Variants in VILL observed in about 807,000 individuals in gnomAD.
VILL encodes villin-like protein.
VILL carries 102 observed loss-of-function variants against 106.3 expected under a neutral mutation model. That is an observed-to-expected ratio of 0.96 (90% CI 0.82 to 1.13). The LOEUF (loss-of-function observed/expected upper bound fraction) is 1.13, where lower values mean the gene tolerates loss of function less well. Ranked by LOEUF, VILL falls within the 50% of genes most tolerant of loss-of-function variation. The pLI is 0.00. For missense variants in VILL, 1,076 were observed against 1,116.6 expected (o/e 0.96, Z 0.52); for synonymous variants, 431 against 440.3 (o/e 0.98, Z 0.27).
intron 1 of VILL, 124 bp from the exon 2 acceptor site, chr3:37,993,463 T>C: frequency 1.7e-6 from 1 of 581,374 alleles, no homozygotes; most frequent in Non-Finnish European, 3.0e-6. Flanking sequence ...ATGCCTAATC[T>C]GCCCAACCCA....
chr3:38,006,628 C>A lies in VILL; in HGVS notation c.2385C>A (p.Gly795=). The A allele has an allele frequency of 6.2e-7, 1 of 1,613,914 alleles. No homozygotes were observed. ...GCACCAGCGCCACGATCAACGGGGG[C>A]CTGCGCCGGGAACAACTGATGCACC... ...VSSTSATING[G]LRREQLMHQA... is the part of the protein sequence containing the mutation. Residue 795 remains glycine (G), a synonymous_variant, in exon 19 of 20, where the codon GGC becomes GGA. Transcript: ENST00000383759.
Position 37,998,425 on chromosome 3 carries a change from G to C in VILL, c.942+61G>C. On this transcript the variant is annotated intron_variant, in intron 9 of 19. Coordinates refer to ENST00000383759, the MANE Select transcript of VILL (RefSeq NM_015873.4). This position sits in a 1 kb window ranked among gnomAD's most constrained non-coding sequence, Gnocchi z 4.1. ...ACTGCCCTGGGGTCTGAGTGGGGAG[G>C]CAGCTCCGCCCCAGGGTCTAAGGGA... The C allele has an allele frequency of 6.7e-7, 1 of 1,502,712 alleles. No homozygotes were observed. The highest frequency in any genetic ancestry group is 2.3e-5 in the East Asian group (1 of 44,074). The allele number at this position is 1,502,712 out of a possible 1,614,324, so 93.1% of individuals were successfully genotyped here.
chr3:38,003,409 G>T (rs1165016585), intron 15 of VILL, 96 bp downstream of exon 15: 2 of 1,417,404 alleles, frequency 1.4e-6, no homozygotes, highest in Non-Finnish European at 1.9e-6. Context: ...GAGCTGGCAA[G>T]ACGAGACTAG....
In VILL at chr3:38,007,022, G is replaced by A. The variant is rs199789666; in HGVS notation, c.2538G>A (p.Gln846=). 3.7e-5 allele frequency: 59 copies of A among 1,613,998 alleles called. No individual in the cohort carries two copies. Among genetic ancestry groups the A allele is most frequent in the Non-Finnish European group, 2.7e-5 (32 of 1,180,016 alleles). Residue 846 remains glutamine, a synonymous_variant, in exon 20 of 20, where the codon CAG becomes CAA. Coordinates refer to ENST00000383759, the MANE Select transcript of VILL (RefSeq NM_015873.4). ...EEFYSMATWR[Q]RQEKKQLGFF ...TCTACAGCATGGCCACGTGGAGGCAGCGGCAGGAGAAAAAGCAGCTGGGCT... is the reference window on the plus strand; with the variant it reads ...TCTACAGCATGGCCACGTGGAGGCAACGGCAGGAGAAAAAGCAGCTGGGCT...
Position 37,997,110 on chromosome 3 carries a change from G to T in VILL, c.484G>T (p.Asp162Tyr), listed in dbSNP as rs761105295. 1.2e-5 allele frequency: 20 copies of T among 1,613,980 alleles called. No homozygotes were observed. Among genetic ancestry groups the T allele is most frequent in the African/African-American group, 4.0e-5 (3 of 74,916 alleles). Residue 162 changes from aspartate to tyrosine, a missense_variant, in exon 6 of 20, where the codon GAC becomes TAC. Coordinates refer to ENST00000383759, the MANE Select transcript of VILL (RefSeq NM_015873.4). This position sits in a 1 kb window ranked among gnomAD's most constrained non-coding sequence, Gnocchi z 4.7. ...CTCCTGGAACAGCTTTAATAAGGGT[G>T]ACATCTTCCTGCTGGACCTAGGCAA... is the stretch of plus-strand genomic sequence containing the variant. ...ELSWNSFNKG[D>Y]IFLLDLGKMM...
At chr3:38,003,422 C>A in intron 15 of VILL, 109 bp downstream of exon 15, 1 of 1,351,324 alleles carries the variant, frequency 7.4e-7, no homozygotes, top group Non-Finnish European at 9.8e-7. Context: ...GAGACTAGAA[C>A]CAAGGACTCT....
chr3:37,990,691 G>C (rs1699598070), upstream of VILL: 1 of 152,576 alleles, frequency 6.6e-6, no homozygotes, highest in Non-Finnish European at 1.5e-5. The surrounding 1 kb of genome is among the most constrained non-coding windows in gnomAD (Gnocchi z 5.1). Context: ...GCACTGTGTG[G>C]TGGGGTGTGT....
chr3:38,007,107 T>C lies in VILL; in HGVS notation c.*52T>C. The C allele has an allele frequency of 6.8e-7, 1 of 1,465,604 alleles. No individual in the cohort carries two copies. 90.8% of individuals were successfully genotyped at this position (1,465,604 alleles called of 1,614,324 possible). ...CCCCTGGACCCCAACATACCTACAA[T>C]GCTGGGGAGGCCCTGCTTCCACTCC... On this transcript the variant is annotated 3_prime_UTR_variant, in exon 20 of 20. Transcript: ENST00000383759.
intron 15 of VILL, 156 bp from the exon 16 acceptor site, chr3:38,004,099 G>C (rs910566198): frequency 1.6e-5 from 15 of 941,264 alleles, no homozygotes; most frequent in Admixed American, 2.8e-5. Flanking sequence ...ACCCAGAGCA[G>C]AGCGGAGTGC....
At chr3:38,001,244 T>G in intron 11 of VILL, 1 of 694,736 alleles carries the variant, frequency 1.4e-6, no homozygotes. Flanking sequence ...GTGTGGTGGG[T>G]TTCAGGGGTC....
Position 37,999,336 on chromosome 3 carries a change from C to A in VILL, c.1082-3C>A, listed in dbSNP as rs749590830. ...CCACTGACGCCTACTGTCCCCCCTT[C>A]AGATAAATCGATTCATGTAAAGCTG... On this transcript the variant is annotated splice_region_variant and splice_polypyrimidine_tract_variant and intron_variant, in intron 10 of 19. Coordinates refer to ENST00000383759, the MANE Select transcript of VILL (RefSeq NM_015873.4). 21 of 1,512,928 alleles carry A rather than the reference C, an allele frequency of 1.4e-5. No individual in the cohort carries two copies. The highest frequency in any genetic ancestry group is 1.8e-5 in the Non-Finnish European group (20 of 1,132,482). 93.7% of individuals were successfully genotyped at this position (1,512,928 alleles called of 1,614,324 possible). A position where few individuals can be genotyped will look rare whatever the true frequency, so the allele number is the denominator to read the frequency against.
At chr3:37,988,704 A>C (rs1417052745), upstream of VILL, among the ~76,000 whole-genome samples, 2 of 152,186 alleles carry the variant, frequency 1.3e-5, no homozygotes, top group African/African-American at 4.8e-5. Flanking sequence ...CTCTACCAAA[A>C]ATACAAAATT....
chr3:37,996,121 G>A (rs367745061), intron 5 of VILL, among the ~76,000 whole-genome samples: 77 of 152,288 alleles, frequency 5.1e-4, no homozygotes, highest in African/African-American at 1.8e-3. Context: ...GATCGCCTGA[G>A]CCCAGGAGTG....
intron 5 of VILL, among the ~76,000 whole-genome samples, chr3:37,996,076 C>T (rs1699695432): frequency 6.6e-6 from 1 of 152,140 alleles, no homozygotes; most frequent in African/African-American, 2.4e-5. Context: ...ATATTGAGAA[C>T]ATGGGCACAG....
At chr3:38,001,067 G>A in intron 11 of VILL, 1 of 479,108 alleles carries the variant, frequency 2.1e-6, no homozygotes, top group Non-Finnish European at 4.1e-6. Context: ...CTGGATAAAA[G>A]GGAATTCATT....
At chr3:37,999,505 C>A (rs1559366368) in intron 11 of VILL, 66 bp downstream of exon 11, 1 of 1,260,890 alleles carries the variant, frequency 7.9e-7, no homozygotes, top group Non-Finnish European at 1.1e-6. Flanking sequence ...TACAGGTAAA[C>A]GGTATGACTG....
At chr3:38,004,548 A>G (rs1327099688) in intron 16 of VILL, 149 bp downstream of exon 16, 3 of 1,040,662 alleles carry the variant, frequency 2.9e-6, no homozygotes, top group Non-Finnish European at 4.1e-6. Flanking sequence ...ATTGCGGTGC[A>G]TATGAGACCA....
intron 3 of VILL, 141 bp from the exon 4 acceptor site, chr3:37,994,120 T>C (rs2125529193): frequency 2.1e-6 from 3 of 1,400,002 alleles, no homozygotes; most frequent in Non-Finnish European, 3.0e-6. Flanking sequence ...CGTTGAGGCT[T>C]CTTAGTCCTT....
chr3:37,995,638 A>G, intron 4 of VILL, 101 bp from the exon 5 acceptor site: 1 of 915,764 alleles, frequency 1.1e-6, no homozygotes, highest in Non-Finnish European at 1.7e-6. Flanking sequence ...TGAAGCAGGC[A>G]CATACGTGCA....
Sources: gnomAD v4.1 joint callset for allele counts (sites outside exome capture counted in the v4.1 genomes callset) on GRCh38, gnomAD v4.1.1 for gene constraint, Gnocchi (gnomAD v3.1) non-coding constraint, MANE v1.5 for transcripts, NCBI Gene and HGNC (gene_info 2026-07-23, HGNC 2026-07-21) for gene names.